Variants in AKAP9 observed in about 807,000 individuals in gnomAD.
AKAP9 encodes the protein A-kinase anchoring protein 9, also known as A-kinase anchor protein 9.
In AKAP9, 311 loss-of-function variants were observed where a neutral mutation model predicts 488.5. The ratio of observed to expected loss-of-function variants is 0.64; its 90% CI spans 0.58 to 0.70. AKAP9 has a LOEUF of 0.70. Ranked by LOEUF, AKAP9 falls within the 30% of genes least tolerant of loss-of-function variation. AKAP9 has a pLI of 0.00. For synonymous variants in AKAP9, 1,462 were observed against 1,483.5 expected (o/e 0.99, Z 0.33); for missense variants, 4,215 against 4,374.5 (o/e 0.96, Z 1.03).
intron 16 of AKAP9, among the ~76,000 whole-genome samples, chr7:92,032,886 T>A (rs1804526664): frequency 6.6e-6 from 1 of 152,202 alleles, no homozygotes; most frequent in South Asian, 2.1e-4. Flanking sequence ...ACATGAGGTT[T>A]GGTATTGGAT....
Position 92,101,067 on chromosome 7 carries a change from T to A in AKAP9, c.11097+11T>A. The A allele has an allele frequency of 1.2e-6, 2 of 1,611,032 alleles. No individual in the cohort carries two copies. Among genetic ancestry groups the A allele is most frequent in the Non-Finnish European group, 1.7e-6 (2 of 1,179,068 alleles). On this transcript the variant is annotated intron_variant, in intron 45 of 49. Coordinates refer to ENST00000356239, the MANE Select transcript of AKAP9 (RefSeq NM_005751.5). ...CATGTCACTTTAAAGGTAGGAGACA[T>A]CTCCCATCTAAACATCACAGCTGGT...
At chr7:92,023,168 A>G (rs1445709836) in intron 14 of AKAP9, among the ~76,000 whole-genome samples, 159 bp downstream of exon 14, 2 of 152,222 alleles carry the variant, frequency 1.3e-5, no homozygotes, top group Non-Finnish European at 2.9e-5. Flanking sequence ...ATCATTCTAT[A>G]TCTTTGAAAT....
At chr7:91,952,081 C>T (rs1232187445) in intron 1 of AKAP9, among the ~76,000 whole-genome samples, 1 of 152,118 alleles carries the variant, frequency 6.6e-6, no homozygotes, top group East Asian at 1.9e-4. Flanking sequence ...TAATCCTCTA[C>T]TCCATTCTTT....
chr7:91,945,088 T>C (rs1791292419), intron 1 of AKAP9, among the ~76,000 whole-genome samples: 1 of 152,026 alleles, frequency 6.6e-6, no homozygotes, highest in Admixed American at 6.5e-5. Flanking sequence ...TTAGGCGGGG[T>C]GTGATGGCTC....
Position 91,940,883 on chromosome 7 carries a change from T to TGGCGGC in AKAP9, c.-205_-200dup, listed in dbSNP as rs371245265. On this transcript the variant is annotated 5_prime_UTR_variant, in exon 1 of 50. Coordinates refer to ENST00000356239, the MANE Select transcript of AKAP9 (RefSeq NM_005751.5). ...CCGTGTGTTTACGTGGAGACGAAGATGGCGGCGGCGGCGGCGGTGACGGCG... is the reference window on the plus strand; with the variant it reads ...CCGTGTGTTTACGTGGAGACGAAGATGGCGGCGGCGGCGGCGGCGGCGGTGACGGCG... 25 of 601,710 alleles carry TGGCGGC rather than the reference T, an allele frequency of 4.2e-5. No homozygotes were observed. Among genetic ancestry groups the TGGCGGC allele is most frequent in the South Asian group, 1.1e-4 (6 of 53,006 alleles). The allele number at this position is 601,710 out of a possible 1,614,324, so 37.3% of individuals were successfully genotyped here.
chr7:92,041,445 C>T (rs1298704511), intron 18 of AKAP9: 2 of 153,920 alleles, frequency 1.3e-5, no homozygotes, highest in Non-Finnish European at 2.9e-5. Context: ...AACATCTCTT[C>T]TTGATTTGAG....
At chr7:91,987,049 G>A (rs1466867047) in intron 3 of AKAP9, among the ~76,000 whole-genome samples, 2 of 151,888 alleles carry the variant, frequency 1.3e-5, no homozygotes, top group East Asian at 3.9e-4. Context: ...GTTAATGTTG[G>A]TCAAAAAAAC....
intron 27 of AKAP9, 34 bp from the exon 28 acceptor site, chr7:92,070,871 A>G: frequency 6.9e-7 from 1 of 1,456,896 alleles, no homozygotes; most frequent in African/African-American, 1.4e-5. Flanking sequence ...GATTTAATTT[A>G]TCAAATTTTG....
rs117514037 is a variant in AKAP9 at position 92,018,001 on chromosome 7, G to C, written c.3837+899G>C. Among the ~76,000 whole-genome samples, 242 of 152,208 alleles carry C rather than the reference G, an allele frequency of 1.6e-3. 7 individuals are homozygous for C. In the East Asian group the frequency reaches 0.04, roughly 25 times the overall value. On this transcript the variant is annotated intron_variant, in intron 12 of 49. Coordinates refer to ENST00000356239, the MANE Select transcript of AKAP9 (RefSeq NM_005751.5). ...TCATTTTAATTGAGTAATGGAAAGG[G>C]AGGAGGTTTATGTCAGTAATCACAA... is the stretch of plus-strand genomic sequence containing the variant.
At chr7:92,107,667 T>C (rs1818732148) in intron 48 of AKAP9, 4 of 395,652 alleles carry the variant, frequency 1.0e-5, no homozygotes, top group Non-Finnish European at 1.9e-5. Flanking sequence ...CTGGCCAACA[T>C]GGTGAAACCC....
chr7:91,957,061 A>T (rs909843626), intron 1 of AKAP9, among the ~76,000 whole-genome samples: 2 of 152,144 alleles, frequency 1.3e-5, no homozygotes, highest in African/African-American at 4.8e-5. Flanking sequence ...GCGAATAACT[A>T]CTTCCTGATT....
intron 8 of AKAP9, among the ~76,000 whole-genome samples, chr7:92,008,849 G>A (rs1800296137): frequency 6.6e-6 from 1 of 151,768 alleles, no homozygotes; most frequent in Non-Finnish European, 1.5e-5. Context: ...AGCTGGGCAT[G>A]GTAGCGTGCA....
chr7:92,096,664 C>A, intron 40 of AKAP9, 25 bp from the exon 41 acceptor site: 1 of 1,613,066 alleles, frequency 6.2e-7, no homozygotes, highest in South Asian at 1.1e-5. Flanking sequence ...TTAACAAGTT[C>A]TTAAATTTGA....
intron 8 of AKAP9, among the ~76,000 whole-genome samples, chr7:92,011,387 A>G (rs956949010): frequency 3.3e-5 from 5 of 152,334 alleles, no homozygotes; most frequent in Non-Finnish European, 5.9e-5. Flanking sequence ...AGACCTCACT[A>G]TATGCCAATA....
At position 92,085,381 on chromosome 7, in the gene AKAP9, T is replaced by G. The variant is rs1281044151; in HGVS notation, c.8833-114T>G. ...AAGAAGGCATTCAGTAATGTTGGGC[T>G]GGAGTTTTCTCTCTGCAAGCTATCT... On this transcript the variant is annotated intron_variant, in intron 35 of 49. Transcript: ENST00000356239. 4.9e-6 allele frequency: 5 copies of G among 1,014,022 alleles called. No homozygotes were observed. In the African/African-American group the frequency reaches 8.0e-5, roughly 16 times the overall value. 62.8% of individuals were successfully genotyped at this position (1,014,022 alleles called of 1,614,324 possible).
intron 28 of AKAP9, among the ~76,000 whole-genome samples, chr7:92,074,397 C>T (rs1195345416): frequency 6.6e-6 from 1 of 152,136 alleles, no homozygotes; most frequent in African/African-American, 2.4e-5. Context: ...AATAGGAACA[C>T]CTTTACACTG....
In AKAP9 at chr7:92,022,319, A is replaced by C. The variant is rs778955236; in HGVS notation, c.3919A>C (p.Ile1307Leu). Residue 1307 changes from isoleucine (I) to leucine (L), a missense_variant, in exon 13 of 50, where the codon ATC becomes CTC. Ile to Leu is a conservative substitution (Grantham distance 5). Transcript: ENST00000356239. ...AAAAGAGGAAACAGAGTTTTTATCA[A>C]TCCATTCTCAGATGACCAATTTGGA... ...LPKEETEFLS[I>L]HSQMTNLEDI... 6.2e-7 allele frequency: 1 copy of C among 1,613,118 alleles called. No homozygotes were observed. The highest frequency in any genetic ancestry group is 1.1e-5 in the South Asian group (1 of 91,072).
intron 1 of AKAP9, among the ~76,000 whole-genome samples, chr7:91,955,960 T>C (rs1239217476): frequency 6.6e-6 from 1 of 152,210 alleles, no homozygotes; most frequent in Non-Finnish European, 1.5e-5. Context: ...AAGTTTACTT[T>C]TTATTTTCAA....
chr7:92,107,838 G>A lies in AKAP9; in HGVS notation c.11546+416G>A, dbSNP rs1300759369. On this transcript the variant is annotated intron_variant, in intron 48 of 49. Coordinates refer to ENST00000356239, the MANE Select transcript of AKAP9 (RefSeq NM_005751.5). Reference sequence around the variant, plus strand: ...TGCACTCTGGCCTGGGCAACGGAGCGAGACTCTGTCTCAAAAAAAAATACA... The same window carrying A: ...TGCACTCTGGCCTGGGCAACGGAGCAAGACTCTGTCTCAAAAAAAAATACA... The A allele has an allele frequency of 5.9e-5, 10 of 170,514 alleles. No individual in the cohort carries two copies. In the East Asian group the frequency reaches 9.6e-4, roughly 16 times the overall value. The allele number at this position is 170,514 out of a possible 1,614,324, so 10.6% of individuals were successfully genotyped here. A position where few individuals can be genotyped will look rare whatever the true frequency, so the allele number is the denominator to read the frequency against.
Sources: gnomAD v4.1 joint callset for allele counts (sites outside exome capture counted in the v4.1 genomes callset) on GRCh38, gnomAD v4.1.1 for gene constraint, MANE v1.5 for transcripts, NCBI Gene and HGNC (gene_info 2026-07-23, HGNC 2026-07-21) for gene names.